Variants in CDH12 observed in about 807,000 individuals in gnomAD.
CDH12 encodes cadherin-12.
CDH12 carries 41 observed loss-of-function variants against 74.1 expected under a neutral mutation model. The observed-to-expected ratio is 0.55, with a 90% CI of 0.43 to 0.72. The LOEUF (loss-of-function observed/expected upper bound fraction) is 0.72. Among genes scored for constraint, CDH12 ranks in the 30% least tolerant of loss-of-function variants. The probability of loss-of-function intolerance (pLI) is 0.00; values close to 1 mark genes in which losing one functional copy is unlikely to be tolerated. For missense variants in CDH12, 945 were observed against 977.2 expected (o/e 0.97, Z 0.44); for synonymous variants, 399 against 355.0 (o/e 1.12, Z -1.39).
intron 1 of CDH12, among the ~76,000 whole-genome samples, chr5:22,845,293 G>A (rs1012920092): frequency 6.6e-6 from 1 of 151,976 alleles, no homozygotes; most frequent in Non-Finnish European, 1.5e-5. Context: ...ACATTTATAG[G>A]CCAAGGTAAA....
intron 1 of CDH12, among the ~76,000 whole-genome samples, chr5:22,743,627 T>A (rs1745145695): frequency 6.6e-6 from 1 of 152,190 alleles, no homozygotes; most frequent in South Asian, 2.1e-4. Flanking sequence ...CTGATCATTT[T>A]ACTTATAGTT....
chr5:22,391,136 T>C (rs1444777047), intron 3 of CDH12, among the ~76,000 whole-genome samples: 1 of 152,176 alleles, frequency 6.6e-6, no homozygotes, highest in Non-Finnish European at 1.5e-5. Flanking sequence ...TGTCTTTCTC[T>C]GTGATAGAGT....
At chr5:22,850,243 G>T (rs1268742180) in intron 1 of CDH12, among the ~76,000 whole-genome samples, 1 of 151,892 alleles carries the variant, frequency 6.6e-6, no homozygotes, top group Non-Finnish European at 1.5e-5. Flanking sequence ...TTCAATACAG[G>T]CAGCATAGTA....
intron 5 of CDH12, among the ~76,000 whole-genome samples, chr5:22,037,777 G>A (rs1281076659): frequency 6.6e-6 from 1 of 152,122 alleles, no homozygotes; most frequent in Non-Finnish European, 1.5e-5. Flanking sequence ...ACAACTATAT[G>A]TTGATAGAAA....
chr5:22,750,050 G>A (rs958474189), intron 1 of CDH12, among the ~76,000 whole-genome samples: 5 of 152,048 alleles, frequency 3.3e-5, no homozygotes, highest in African/African-American at 1.2e-4. Flanking sequence ...CTAATCTAGT[G>A]CACTCAATTT....
In CDH12 at chr5:21,854,573, T is replaced by C. The variant is rs937392810; in HGVS notation, c.646+98A>G. 2.2e-5 allele frequency: 20 copies of C among 928,956 alleles called. No homozygotes were observed. In the African/African-American group the frequency reaches 2.7e-4, roughly 12 times the overall value. The allele number at this position is 928,956 out of a possible 1,614,324, so 57.5% of individuals were successfully genotyped here. A position where few individuals can be genotyped will look rare whatever the true frequency, so the allele number is the denominator to read the frequency against. On this transcript the variant is annotated intron_variant, in intron 7 of 14. Coordinates refer to ENST00000382254, the MANE Select transcript of CDH12 (RefSeq NM_004061.5). ...TAATGCGCATCGCACTGAAGCTTTA[T>C]GGCTATATTAGAATATGCAACTCCC... is the stretch of plus-strand genomic sequence containing the variant.
chr5:22,432,878 T>C (rs529362158), intron 2 of CDH12, among the ~76,000 whole-genome samples: 1 of 152,238 alleles, frequency 6.6e-6, no homozygotes, highest in Admixed American at 6.6e-5. Context: ...TAGTAGTCCT[T>C]GTATTTATAA....
intron 1 of CDH12, among the ~76,000 whole-genome samples, chr5:22,655,839 T>C (rs1740006542): frequency 6.6e-6 from 1 of 152,244 alleles, no homozygotes; most frequent in Non-Finnish European, 1.5e-5. Context: ...TAACTAAGTC[T>C]GACCATAAGT....
rs563603401 is a variant in CDH12 at position 21,955,590 on chromosome 5, G to A, written c.526+19501C>T. Reference sequence around the variant, plus strand: ...ATAACCTTACCAGTTGCAATTTGCCGATCTCTACAAATATTAATATTTATT... The same window carrying A: ...ATAACCTTACCAGTTGCAATTTGCCAATCTCTACAAATATTAATATTTATT... On this transcript the variant is annotated intron_variant, in intron 6 of 14. Transcript: ENST00000382254. Among the ~76,000 whole-genome samples, 1,201 of 152,080 alleles carry A rather than the reference G, an allele frequency of 7.9e-3. 20 individuals are homozygous for A. The highest frequency in any genetic ancestry group is 0.028 in the African/African-American group (1,148 of 41,520).
At chr5:22,425,153 G>GTGTA (rs1554039869) in intron 2 of CDH12, among the ~76,000 whole-genome samples, 180 of 87,996 alleles carry the variant, frequency 2.0e-3, no homozygotes, top group East Asian at 4.9e-3. Flanking sequence ...ATGTGTGTGT[G>GTGTA]TATATATATA....
intron 3 of CDH12, among the ~76,000 whole-genome samples, chr5:22,307,896 T>TGTTTTTTTTTTTTTC: frequency 7.1e-6 from 1 of 140,338 alleles, no homozygotes. Flanking sequence ...TTTTTTTTTT[T>TGTTTTTTTTTTTTTC]TTGAGACAGA....
chr5:22,234,437 T>C (rs1344661414), intron 3 of CDH12, among the ~76,000 whole-genome samples: 1 of 152,132 alleles, frequency 6.6e-6, no homozygotes, highest in Admixed American at 6.5e-5. Context: ...TTTGTTTCTT[T>C]CTTATTTTCT....
intron 3 of CDH12, among the ~76,000 whole-genome samples, chr5:22,367,821 T>G (rs2126329503): frequency 6.6e-6 from 1 of 152,274 alleles, no homozygotes; most frequent in Admixed American, 6.5e-5. Flanking sequence ...TTCATTAAAT[T>G]TTGTCATCTC....
intron 1 of CDH12, among the ~76,000 whole-genome samples, chr5:22,754,190 C>G (rs1477077452): frequency 1.3e-5 from 2 of 152,160 alleles, no homozygotes; most frequent in African/African-American, 2.4e-5. Flanking sequence ...TAAAAAATAC[C>G]AGCAAGCAAC....
intron 6 of CDH12, among the ~76,000 whole-genome samples, chr5:21,973,960 T>C (rs1374866817): frequency 1.3e-5 from 2 of 151,966 alleles, no homozygotes; most frequent in Non-Finnish European, 2.9e-5. Context: ...ACATTAAAAT[T>C]TGAAATCTAA....
intron 4 of CDH12, among the ~76,000 whole-genome samples, chr5:22,201,163 C>G (rs1219851604): frequency 1.3e-5 from 2 of 152,112 alleles, no homozygotes; most frequent in African/African-American, 4.8e-5. Flanking sequence ...TAGGAAAAAG[C>G]AGATATGATG....
At chr5:21,832,929 A>G (rs1579793690) in intron 8 of CDH12, among the ~76,000 whole-genome samples, 1 of 70,222 alleles carries the variant, frequency 1.4e-5, no homozygotes, top group Non-Finnish European at 2.2e-5. Context: ...AATATATATC[A>G]TATATTATAT....
At chr5:22,023,816 G>A (rs1392390215) in intron 5 of CDH12, among the ~76,000 whole-genome samples, 3 of 152,068 alleles carry the variant, frequency 2.0e-5, no homozygotes, top group Non-Finnish European at 4.4e-5. Context: ...TATGTGTTTA[G>A]GGCTTTCTAG....
chr5:22,251,425 T>C (rs1753126553), intron 3 of CDH12, among the ~76,000 whole-genome samples: 1 of 152,180 alleles, frequency 6.6e-6, no homozygotes. Context: ...CAGTGTACAC[T>C]GGAATTAATC....
Sources: gnomAD v4.1 joint callset for allele counts (sites outside exome capture counted in the v4.1 genomes callset) on GRCh38, gnomAD v4.1.1 for gene constraint, MANE v1.5 for transcripts, NCBI Gene and HGNC (gene_info 2026-07-23, HGNC 2026-07-21) for gene names.